The following TMEM132D variants were observed in gnomAD, a reference collection of about 807,000 sequenced individuals.
TMEM132D encodes the protein transmembrane protein 132D.
A neutral mutation model predicts 62.3 loss-of-function variants in TMEM132D; 21 were observed. The observed-to-expected ratio is 0.34, with a 90% CI of 0.24 to 0.49. TMEM132D has a LOEUF of 0.49. Ranked by LOEUF, TMEM132D falls within the 20% of genes least tolerant of loss-of-function variation. The pLI is 0.99. For missense variants in TMEM132D, 1,346 were observed against 1,402.8 expected, an observed-to-expected ratio of 0.96 and a Z score of 0.65; for synonymous variants, 621 against 575.6, an observed-to-expected ratio of 1.08 and a Z score of -1.13.
intron 3 of TMEM132D, among the ~76,000 whole-genome samples, chr12:129,387,494 C>T (rs79331724): frequency 0.013 from 1,992 of 152,008 alleles, 39 homozygotes; most frequent in African/African-American, 0.045. Context: ...CTAACACTAA[C>T]GTTAATGCCA....
At chr12:129,534,168 T>C (rs1231011973) in intron 2 of TMEM132D, among the ~76,000 whole-genome samples, 1 of 152,204 alleles carries the variant, frequency 6.6e-6, no homozygotes, top group East Asian at 1.9e-4. Flanking sequence ...TATAACCTAC[T>C]TGTGGTTCAA....
At chr12:129,775,515 C>T (rs1381334324) in intron 1 of TMEM132D, among the ~76,000 whole-genome samples, 3 of 152,152 alleles carry the variant, frequency 2.0e-5, no homozygotes, top group Non-Finnish European at 2.9e-5. Flanking sequence ...GAGGCTGTCA[C>T]GTTTCTGCAT....
intron 1 of TMEM132D, among the ~76,000 whole-genome samples, chr12:129,701,522 A>G (rs1390450310): frequency 6.6e-6 from 1 of 152,216 alleles, no homozygotes; most frequent in Non-Finnish European, 1.5e-5. Context: ...CTTCCATGCC[A>G]GCCACATCCT....
chr12:129,696,254 C>T (rs1326364974), intron 2 of TMEM132D, among the ~76,000 whole-genome samples: 2 of 152,202 alleles, frequency 1.3e-5, no homozygotes, highest in African/African-American at 2.4e-5. Context: ...TAAGCCTCAC[C>T]TTTGCAAGAG....
At chr12:129,642,402 G>A (rs917712648) in intron 2 of TMEM132D, among the ~76,000 whole-genome samples, 3 of 152,174 alleles carry the variant, frequency 2.0e-5, no homozygotes, top group Non-Finnish European at 4.4e-5. Context: ...GCGCACCTTC[G>A]AGAGCAGCAG....
chr12:129,149,390 T>TA (rs1357363568), intron 5 of TMEM132D, among the ~76,000 whole-genome samples: 3 of 151,402 alleles, frequency 2.0e-5, no homozygotes, highest in Non-Finnish European at 2.9e-5. Context: ...AACTTAAAGT[T>TA]AAAAAAAATG....
intron 5 of TMEM132D, among the ~76,000 whole-genome samples, chr12:129,093,713 G>A (rs1875006702): frequency 6.6e-6 from 1 of 152,102 alleles, no homozygotes; most frequent in Non-Finnish European, 1.5e-5. Context: ...CCAAAAAAGA[G>A]CCCGCATCAC....
intron 2 of TMEM132D, among the ~76,000 whole-genome samples, chr12:129,666,132 T>C (rs1481492787): frequency 6.6e-6 from 1 of 152,146 alleles, no homozygotes; most frequent in Non-Finnish European, 1.5e-5. Context: ...TGGTATGAAA[T>C]GGCACCCTTA....
intron 2 of TMEM132D, among the ~76,000 whole-genome samples, chr12:129,539,549 A>G (rs951453754): frequency 1.4e-5 from 2 of 146,512 alleles, no homozygotes; most frequent in Non-Finnish European, 3.0e-5. Flanking sequence ...GGACTACAGG[A>G]GCCCGCCACT....
intron 2 of TMEM132D, among the ~76,000 whole-genome samples, chr12:129,533,063 T>A (rs1259096738): frequency 6.6e-6 from 1 of 152,166 alleles, no homozygotes; most frequent in Non-Finnish European, 1.5e-5. Context: ...CCAGGACACA[T>A]ACTGATTTGG....
intron 3 of TMEM132D, among the ~76,000 whole-genome samples, chr12:129,380,571 G>C (rs1870917825): frequency 6.6e-6 from 1 of 151,382 alleles, no homozygotes; most frequent in African/African-American, 2.4e-5. Flanking sequence ...GTGTGTGTGC[G>C]TGTGTGTGTG....
intron 5 of TMEM132D, among the ~76,000 whole-genome samples, chr12:129,124,852 T>A (rs1876169042): frequency 1.3e-5 from 2 of 152,166 alleles, no homozygotes; most frequent in Non-Finnish European, 2.9e-5. Context: ...CTATGCATCA[T>A]CCCCAGAACT....
At chr12:129,647,260 G>C (rs201717181) in intron 2 of TMEM132D, among the ~76,000 whole-genome samples, 2 of 34,000 alleles carry the variant, frequency 5.9e-5, no homozygotes, top group Non-Finnish European at 1.2e-4. Context: ...TTTTTTTTTT[G>C]CAATTTGTCC....
At chr12:129,185,665 T>C (rs1349562997) in intron 5 of TMEM132D, among the ~76,000 whole-genome samples, 1 of 152,194 alleles carries the variant, frequency 6.6e-6, no homozygotes, top group African/African-American at 2.4e-5. Flanking sequence ...TATTTTTCTT[T>C]AGGAAATGTT....
intron 5 of TMEM132D, among the ~76,000 whole-genome samples, chr12:129,179,336 T>G (rs1878000302): frequency 6.6e-6 from 1 of 151,760 alleles, no homozygotes; most frequent in African/African-American, 2.4e-5. Flanking sequence ...TTGTTTTTTG[T>G]TTTTTGTTTT....
At chr12:129,666,877 T>C (rs1174854797) in intron 2 of TMEM132D, among the ~76,000 whole-genome samples, 2 of 152,186 alleles carry the variant, frequency 1.3e-5, no homozygotes, top group Non-Finnish European at 2.9e-5. Flanking sequence ...CATGATAATA[T>C]GGTTTTTGTT....
At chr12:129,195,956 A>G (rs2895124) in intron 5 of TMEM132D, among the ~76,000 whole-genome samples, 151,454 of 152,074 alleles carry the variant, frequency 1, 75,420 homozygotes, top group Middle Eastern at 1. Flanking sequence ...GTGAAACCCC[A>G]TCTCTACCAA....
chr12:129,515,609 G>C (rs187783068), intron 3 of TMEM132D, among the ~76,000 whole-genome samples: 1 of 152,096 alleles, frequency 6.6e-6, no homozygotes, highest in African/African-American at 2.4e-5. Flanking sequence ...CCTGAGCCAC[G>C]GTCATAAAGG....
chr12:129,579,942 G>A (rs1055927279), intron 2 of TMEM132D, among the ~76,000 whole-genome samples: 3 of 152,182 alleles, frequency 2.0e-5, no homozygotes, highest in Non-Finnish European at 4.4e-5. Context: ...ATTTGGAAAT[G>A]TGATCTCAGG....
Sources: gnomAD v4.1 joint callset for allele counts (sites outside exome capture counted in the v4.1 genomes callset) on GRCh38, gnomAD v4.1.1 for gene constraint, MANE v1.5 for transcripts, NCBI Gene and HGNC (gene_info 2026-07-23, HGNC 2026-07-21) for gene names.